Variants in CAMK2A observed in about 807,000 individuals in gnomAD.
CAMK2A encodes the protein calcium/calmodulin dependent protein kinase II alpha.
CAMK2A carries 7 observed loss-of-function variants against 79.2 expected under a neutral mutation model. That is an observed-to-expected ratio of 0.09 (90% CI 0.05 to 0.17). The LOEUF (loss-of-function observed/expected upper bound fraction) is 0.17, where lower values mean the gene tolerates loss of function less well. CAMK2A is among the 10% of genes least tolerant of loss of function. CAMK2A has a pLI of 1.00. For missense variants in CAMK2A, 214 were observed against 646.4 expected (o/e 0.33, Z 7.25); for synonymous variants, 242 against 251.7 (o/e 0.96, Z 0.36).
intron 4 of CAMK2A, 131 bp downstream of exon 4, chr5:150,257,432 G>A: frequency 2.7e-6 from 2 of 742,684 alleles, no homozygotes; most frequent in South Asian, 1.5e-5. Context: ...CACTGCTTGG[G>A]TGGCAGGCCC....
intron 1 of CAMK2A, among the ~76,000 whole-genome samples, chr5:150,281,444 C>A (rs1319242887): frequency 3.3e-5 from 5 of 152,216 alleles, no homozygotes. Flanking sequence ...GGCAGCACCA[C>A]GCACTGGGCT....
rs562677803 is a variant in CAMK2A at position 150,220,333 on chromosome 5, G to C, written c.*2377C>G. 1 of 152,394 alleles carries C rather than the reference G, an allele frequency of 6.6e-6. No homozygotes were observed. Among genetic ancestry groups the C allele is most frequent in the Non-Finnish European group, 1.5e-5 (1 of 68,074 alleles). 9.4% of individuals were successfully genotyped at this position (152,394 alleles called of 1,614,324 possible). ...TGCTGAAAAGCAGTTGACAGGCACCGACGAGGGGAATCAGGGGCAGGTGGG... is the reference window on the plus strand; with the variant it reads ...TGCTGAAAAGCAGTTGACAGGCACCCACGAGGGGAATCAGGGGCAGGTGGG... On this transcript the variant is annotated 3_prime_UTR_variant, in exon 19 of 19. Transcript: ENST00000671881.
At chr5:150,287,954 T>TGTGTGA (rs1757495972) in intron 1 of CAMK2A, among the ~76,000 whole-genome samples, 1 of 151,472 alleles carries the variant, frequency 6.6e-6, no homozygotes, top group African/African-American at 2.4e-5. Context: ...TGTGTGTGTG[T>TGTGTGA]GTGTGTGTGT....
chr5:150,250,302 G>C lies in CAMK2A; in HGVS notation c.824C>G (p.Ser275Cys). 6.2e-7 allele frequency: 1 copy of C among 1,613,830 alleles called. No homozygotes were observed. Among genetic ancestry groups the C allele is most frequent in the Non-Finnish European group, 8.5e-7 (1 of 1,179,862 alleles). The change falls in exon 11 of 19, where the codon TCC becomes TGC. Residue 275 changes from serine to cysteine, a missense_variant. Physicochemically the swap from Ser to Cys is moderately radical, Grantham distance 112. Around this residue, in one of 4 missense-constraint regions of CAMK2A, gnomAD observed 18 missense variants for 34.9 expected, o/e 0.52. Coordinates refer to ENST00000671881, the MANE Select transcript of CAMK2A (RefSeq NM_015981.4). ...ALKHPWISHR[S>C]TVASCMHRQE... ...TCTGTGCATGCAGGATGCCACGGTG[G>C]AGCGGTGCTGGAGGAAGTAGGGGAG...
chr5:150,281,088 C>G (rs919718727), intron 1 of CAMK2A, among the ~76,000 whole-genome samples: 1 of 152,226 alleles, frequency 6.6e-6, no homozygotes, highest in African/African-American at 2.4e-5. Flanking sequence ...GAGCCCCCTC[C>G]TGTCTTAGGA....
At chr5:150,273,409 G>A (rs554964641) in intron 1 of CAMK2A, among the ~76,000 whole-genome samples, 6 of 152,292 alleles carry the variant, frequency 3.9e-5, no homozygotes, top group East Asian at 1.9e-4. Flanking sequence ...CATCAAAGTC[G>A]GGCTCATCAT....
At chr5:150,234,753 T>A (rs1754992930) in intron 15 of CAMK2A, among the ~76,000 whole-genome samples, 1 of 152,174 alleles carries the variant, frequency 6.6e-6, no homozygotes, top group South Asian at 2.1e-4. Flanking sequence ...TGAGGGGGTG[T>A]AGCTCTGGTT....
chr5:150,270,065 A>T (rs1398855480), intron 2 of CAMK2A, among the ~76,000 whole-genome samples: 1 of 152,214 alleles, frequency 6.6e-6, no homozygotes, highest in Non-Finnish European at 1.5e-5. Flanking sequence ...GCATGTGCCC[A>T]ATGCGCCCTT....
chr5:150,225,418 T>C (rs949576278), intron 17 of CAMK2A, among the ~76,000 whole-genome samples: 4 of 152,132 alleles, frequency 2.6e-5, no homozygotes, highest in Admixed American at 2.6e-4. Context: ...GGTCTGCCCT[T>C]GTGGGTTCAG....
At chr5:150,278,848 C>A (rs1048098543) in intron 1 of CAMK2A, among the ~76,000 whole-genome samples, 12 of 152,032 alleles carry the variant, frequency 7.9e-5, no homozygotes, top group African/African-American at 2.9e-4. Flanking sequence ...GTAGGTGTGA[C>A]AAAGCACACG....
Position 150,231,372 on chromosome 5 carries a change from G to C in CAMK2A, c.1075C>G (p.Gln359Glu). Reference protein sequence around the residue: ...IEDEDTKVRKQEIIKVTEQLI... With the variant: ...IEDEDTKVRKEEIIKVTEQLI... The stretch of plus-strand genomic sequence containing the variant: ...TGCTCTGTCACTTTTATAATTTCCT[G>C]TTTCCGCACTGTAAGGCAGAAGGGG... Residue 359 changes from glutamine (Q) to glutamate (E), a missense_variant, in exon 16 of 19, where the codon CAG (glutamine) becomes GAG (glutamate). Gln to Glu is a conservative substitution (Grantham distance 29, BLOSUM62 2). Transcript: ENST00000671881. 1 of 1,565,338 alleles carries C rather than the reference G, an allele frequency of 6.4e-7. No homozygotes were observed. Among genetic ancestry groups the C allele is most frequent in the Non-Finnish European group, 8.7e-7 (1 of 1,151,532 alleles).
In CAMK2A at chr5:150,236,886, A is replaced by AT. The variant is rs998091342; in HGVS notation, c.1066+1813dup. ...TATTTTCTCATTCGTTCATTCATTC[A>AT]TTTTTTTTAAGAGACAGGGTCTTGC... On this transcript the variant is annotated intron_variant, in intron 15 of 18. Coordinates refer to ENST00000671881, the MANE Select transcript of CAMK2A (RefSeq NM_015981.4). 7.9e-5 allele frequency among the ~76,000 whole-genome samples: 12 copies of AT among 152,082 alleles called. No individual in the cohort carries two copies. The South Asian group carries it at 1.9e-3, about 24-fold the overall frequency.
rs375900133 is a variant in CAMK2A, at chr5:150,222,835, C to T, written c.1467-122G>A. 2.8e-6 allele frequency: 4 copies of T among 1,411,830 alleles called. No homozygotes were observed. In the African/African-American group the frequency reaches 4.2e-5, roughly 15 times the overall value. 87.5% of individuals were successfully genotyped at this position (1,411,830 alleles called of 1,614,324 possible). On this transcript the variant is annotated intron_variant, in intron 18 of 18. Transcript: ENST00000671881. ...GGTGGCTCCTGCCCAGCTCTTCCCC[C>T]AGACCTGCAGGCCTGGCCCCCTTCT...
intron 13 of CAMK2A, among the ~76,000 whole-genome samples, chr5:150,244,013 G>C (rs955164608): frequency 6.6e-6 from 1 of 152,214 alleles, no homozygotes; most frequent in Non-Finnish European, 1.5e-5. Flanking sequence ...AGTTCAATTT[G>C]AAAACCACTG....
rs2150285029 is a variant in CAMK2A at position 150,256,906 on chromosome 5, A to G, written c.273-75T>C. On this transcript the variant is annotated intron_variant, in intron 4 of 18. Coordinates refer to ENST00000671881, the MANE Select transcript of CAMK2A (RefSeq NM_015981.4). The surrounding 1 kb of genome is among the most constrained non-coding windows in gnomAD (Gnocchi z 4.6). ...CCTCATCTGGAGGAGTCTCCAGGAA[A>G]CTAAGGATGGGGCCCAGGGACCTCA... The G allele has an allele frequency of 7.5e-7, 1 of 1,335,118 alleles. No homozygotes were observed. The highest frequency in any genetic ancestry group is 2.0e-5 in the Admixed American group (1 of 50,450). 82.7% of individuals were successfully genotyped at this position (1,335,118 alleles called of 1,614,324 possible).
chr5:150,282,738 A>G (rs1473180814), intron 1 of CAMK2A, among the ~76,000 whole-genome samples: 1 of 152,242 alleles, frequency 6.6e-6, no homozygotes. Context: ...ATGGCTCTAA[A>G]CCATCTCCCA....
In CAMK2A at chr5:150,222,887, C is replaced by G. The variant is rs565289092; in HGVS notation, c.1466+102G>C. 6.4e-6 allele frequency: 9 copies of G among 1,399,938 alleles called. No individual in the cohort carries two copies. The Admixed American group carries it at 1.4e-4, about 21-fold the overall frequency. 86.7% of individuals were successfully genotyped at this position (1,399,938 alleles called of 1,614,324 possible). A position where few individuals can be genotyped will look rare whatever the true frequency, so the allele number is the denominator to read the frequency against. Reference sequence around the variant, plus strand: ...GGGGTCTCCCCACCCCACTCTGCAGCCTTTCAGAGCTGAAGGCAGCAGCTT... The same window carrying G: ...GGGGTCTCCCCACCCCACTCTGCAGGCTTTCAGAGCTGAAGGCAGCAGCTT... On this transcript the variant is annotated intron_variant, in intron 18 of 18. Transcript: ENST00000671881.
intron 12 of CAMK2A, among the ~76,000 whole-genome samples, chr5:150,246,872 C>T (rs896489364): frequency 6.6e-6 from 1 of 152,256 alleles, no homozygotes; most frequent in African/African-American, 2.4e-5. Flanking sequence ...GTGCTGGCCA[C>T]AAATCTGCAG....
intron 15 of CAMK2A, 145 bp from the exon 16 acceptor site, chr5:150,231,525 T>A: frequency 3.0e-6 from 1 of 338,828 alleles, no homozygotes; most frequent in Non-Finnish European, 5.2e-6. Context: ...GAAGACCTCA[T>A]GCAGATGATC....
Sources: gnomAD v4.1 joint callset for allele counts (sites outside exome capture counted in the v4.1 genomes callset) on GRCh38, gnomAD v4.1.1 for gene constraint, gnomAD v4.1.1 regional missense constraint, Gnocchi (gnomAD v3.1) non-coding constraint, MANE v1.5 for transcripts, NCBI Gene and HGNC (gene_info 2026-07-23, HGNC 2026-07-21) for gene names.